Variants in TCFL5 observed in about 807,000 individuals in gnomAD.
TCFL5 encodes the protein transcription factor-like 5 protein.
Under a neutral mutation model 44.3 loss-of-function variants are expected in TCFL5, and 9 were observed. The ratio of observed to expected loss-of-function variants is 0.20; its 90% CI spans 0.12 to 0.35. The LOEUF (loss-of-function observed/expected upper bound fraction) is 0.35. Ranked by LOEUF, TCFL5 falls within the 10% of genes least tolerant of loss-of-function variation. TCFL5 has a pLI of 1.00. For synonymous variants in TCFL5, 319 were observed against 271.6 expected (o/e 1.17, Z -1.72); for missense variants, 603 against 613.4 (o/e 0.98, Z 0.18).
intron 5 of TCFL5, chr20:62,852,007 T>C (rs1022662371): frequency 1.9e-5 from 17 of 916,850 alleles, no homozygotes; most frequent in Non-Finnish European, 2.2e-5. Context: ...GGTCTCATCA[T>C]GTTGGCCAAG....
rs117933284 is a variant in TCFL5 at position 62,843,297 on chromosome 20, C to T, written c.1381-1200G>A. Among the ~76,000 whole-genome samples, 1,433 of 152,246 alleles carry T rather than the reference C, an allele frequency of 9.4e-3. 10 individuals are homozygous for T. The highest frequency in any genetic ancestry group is 0.015 in the Non-Finnish European group (1,009 of 68,024). On this transcript the variant is annotated intron_variant, in intron 5 of 5. Coordinates refer to ENST00000335351, the MANE Select transcript of TCFL5 (RefSeq NM_006602.4). Reference sequence around the variant, plus strand: ...TCTGCTCAGATTCGGGAAGGAGACTCAGGTGGGTAATAAGGAGTGAAGGCT... The same window carrying T: ...TCTGCTCAGATTCGGGAAGGAGACTTAGGTGGGTAATAAGGAGTGAAGGCT...
chr20:62,852,699 C>T (rs1303666102), intron 5 of TCFL5: 4 of 985,208 alleles, frequency 4.1e-6, no homozygotes, highest in Admixed American at 6.1e-5. Context: ...AGTACAGTCA[C>T]CCGGTCCACA....
rs1368844029 is a variant in TCFL5, at chr20:62,854,001, T to C, written c.1380+15A>G. On this transcript the variant is annotated intron_variant, in intron 5 of 5. Coordinates refer to ENST00000335351, the MANE Select transcript of TCFL5 (RefSeq NM_006602.4). ...ATTTGTAAAATTCTGAAAATCTACC[T>C]GGCCTACCACTAACCTTTTTAAGAG... The C allele has an allele frequency of 4.3e-6, 7 of 1,609,316 alleles. No individual in the cohort carries two copies. In the South Asian group the frequency reaches 4.4e-5, roughly 10 times the overall value.
At chr20:62,852,928 A>G in intron 5 of TCFL5, 1 of 1,288,168 alleles carries the variant, frequency 7.8e-7, no homozygotes, top group South Asian at 1.2e-5. Context: ...AAGTATATTC[A>G]CCCAGTCCGC....
At chr20:62,854,984 G>C (rs752863315) in intron 4 of TCFL5, among the ~76,000 whole-genome samples, 38 of 152,216 alleles carry the variant, frequency 2.5e-4, no homozygotes, top group Non-Finnish European at 1.0e-4. Context: ...AGAGCTAGAA[G>C]TCCAACTTTC....
At chr20:62,860,344 A>C (rs776447033) in intron 1 of TCFL5, 36 bp from the exon 2 acceptor site, 54 of 1,574,342 alleles carry the variant, frequency 3.4e-5, no homozygotes, top group Non-Finnish European at 3.1e-5. Context: ...AGTGTCAGCA[A>C]TACGTGGCAG....
At chr20:62,853,568 C>T (rs906843450) in intron 5 of TCFL5, among the ~76,000 whole-genome samples, 3 of 152,166 alleles carry the variant, frequency 2.0e-5, no homozygotes, top group African/African-American at 7.2e-5. Flanking sequence ...CCAGGCTGGT[C>T]TCAAACTCCT....
intron 4 of TCFL5, 24 bp from the exon 5 acceptor site, chr20:62,854,181 C>A: frequency 6.2e-7 from 1 of 1,612,264 alleles, no homozygotes; most frequent in Non-Finnish European, 8.5e-7. Flanking sequence ...CCAAAGTCAT[C>A]ACCGAGAGAG....
At chr20:62,843,496 G>T (rs1336497444) in intron 5 of TCFL5, among the ~76,000 whole-genome samples, 1 of 152,096 alleles carries the variant, frequency 6.6e-6, no homozygotes, top group Non-Finnish European at 1.5e-5. Context: ...GAGGGACCTG[G>T]GAGTTCACTT....
At chr20:62,845,105 A>G (rs993293624) in intron 5 of TCFL5, 1 of 987,366 alleles carries the variant, frequency 1.0e-6, no homozygotes, top group Non-Finnish European at 1.2e-6. Context: ...GCATATAAAT[A>G]TACTCATTTT....
chr20:62,844,324 C>CT (rs2063712376), intron 5 of TCFL5, among the ~76,000 whole-genome samples: 1 of 152,226 alleles, frequency 6.6e-6, no homozygotes, highest in African/African-American at 2.4e-5. Context: ...TCCCTAATGA[C>CT]TAACGGCTTG....
chr20:62,854,598 A>G (rs769532880), intron 4 of TCFL5, among the ~76,000 whole-genome samples: 1 of 152,154 alleles, frequency 6.6e-6, no homozygotes, highest in Non-Finnish European at 1.5e-5. Flanking sequence ...CGGGCTAAAT[A>G]CCCTACCAGG....
intron 5 of TCFL5, chr20:62,844,844 C>T (rs1278876154): frequency 2.0e-6 from 2 of 980,510 alleles, no homozygotes; most frequent in Non-Finnish European, 2.4e-6. Flanking sequence ...GATCCACCCA[C>T]CTCGGCCTCC....
At chr20:62,848,714 G>C (rs903887100) in intron 5 of TCFL5, among the ~76,000 whole-genome samples, 4 of 152,088 alleles carry the variant, frequency 2.6e-5, no homozygotes, top group African/African-American at 9.7e-5. Flanking sequence ...CTCCAGACTG[G>C]GTGACAAGAG....
In TCFL5 at chr20:62,860,132, T is replaced by C. The variant is rs1451945482; in HGVS notation, c.824A>G (p.Gln275Arg). The C allele has an allele frequency of 1.2e-6, 2 of 1,607,094 alleles. No homozygotes were observed. The highest frequency in any genetic ancestry group is 1.7e-6 in the Non-Finnish European group (2 of 1,174,110). Reference protein sequence around the residue: ...CSTSGNSNLSQTQSSSNSCSV... With the variant: ...CSTSGNSNLSRTQSSSNSCSV... ...ACAAATCATGTTCCCTACCTGTGTC[T>C]GTGAAAGATTAGAATTTCCACTAGT... The change falls in exon 2 of 6, where the codon CAG becomes CGG. Residue 275 changes from glutamine to arginine, a missense_variant. Transcript: ENST00000335351.
chr20:62,856,734 G>A (rs1026361661), intron 4 of TCFL5, among the ~76,000 whole-genome samples: 1 of 149,094 alleles, frequency 6.7e-6, no homozygotes, highest in South Asian at 2.1e-4. Flanking sequence ...AAAGAACCAG[G>A]CAAAACTTGC....
chr20:62,844,491 G>A (rs1001683110), intron 5 of TCFL5, among the ~76,000 whole-genome samples: 1 of 152,112 alleles, frequency 6.6e-6, no homozygotes, highest in African/African-American at 2.4e-5. Flanking sequence ...GCTCACTGCA[G>A]GCTCAGCCTC....
Position 62,841,022 on chromosome 20 carries a change from A to G in TCFL5, c.*953T>C. The G allele has an allele frequency of 4.8e-6, 2 of 418,014 alleles. No individual in the cohort carries two copies. The highest frequency in any genetic ancestry group is 8.8e-6 in the Non-Finnish European group (2 of 227,206). 25.9% of individuals were successfully genotyped at this position (418,014 alleles called of 1,614,324 possible). A position where few individuals can be genotyped will look rare whatever the true frequency, so the allele number is the denominator to read the frequency against. ...CAACTCCACGAGGTGAAAAATATTC[A>G]GTAACTTGTTTACATAGCATTTGTG... is the stretch of plus-strand genomic sequence containing the variant. On this transcript the variant is annotated 3_prime_UTR_variant, in exon 6 of 6. Transcript: ENST00000335351.
At chr20:62,861,000 A>G in intron 1 of TCFL5, 24 bp downstream of exon 1, 1 of 991,568 alleles carries the variant, frequency 1.0e-6, no homozygotes, top group Non-Finnish European at 1.2e-6. Flanking sequence ...GGGCCCCGCC[A>G]GCCCCCGGCC....
Sources: gnomAD v4.1 joint callset for allele counts (sites outside exome capture counted in the v4.1 genomes callset) on GRCh38, gnomAD v4.1.1 for gene constraint, MANE v1.5 for transcripts, NCBI Gene and HGNC (gene_info 2026-07-23, HGNC 2026-07-21) for gene names.